Variants in DOCK3 observed in about 807,000 individuals in gnomAD.
The protein encoded by DOCK3 is dedicator of cytokinesis protein 3.
A neutral mutation model predicts 265.6 loss-of-function variants in DOCK3; 60 were observed. The observed-to-expected ratio is 0.23, with a 90% CI of 0.18 to 0.28. DOCK3 has a LOEUF of 0.28. DOCK3 is among the 10% of genes least tolerant of loss of function. The probability of loss-of-function intolerance (pLI) is 1.00; values close to 1 mark genes in which losing one functional copy is unlikely to be tolerated. For missense variants in DOCK3, 1,981 were observed against 2,594.3 expected (o/e 0.76, Z 5.14); for synonymous variants, 881 against 938.0 (o/e 0.94, Z 1.11).
At chr3:51,353,885 A>G (rs2086180290) in intron 40 of DOCK3, among the ~76,000 whole-genome samples, 1 of 152,098 alleles carries the variant, frequency 6.6e-6, no homozygotes, top group Non-Finnish European at 1.5e-5. Context: ...GGATGGGCAG[A>G]CTGCATCACC....
chr3:51,264,185 CAGA>C (rs1405684136), intron 23 of DOCK3, among the ~76,000 whole-genome samples: 3 of 152,142 alleles, frequency 2.0e-5, no homozygotes, highest in African/African-American at 7.2e-5. Flanking sequence ...TCGGCAAATG[CAGA>C]AGAACAGAAA....
rs1484492016 is a variant in DOCK3, at chr3:50,907,921, A to T, written c.218+17840A>T. On this transcript the variant is annotated intron_variant, in intron 4 of 52. Coordinates refer to ENST00000266037, the MANE Select transcript of DOCK3 (RefSeq NM_004947.5). ...GAGCTTGTTGTTGGTCTATTCAGAGATTCAGTTTGTTCCTGGTTCAGTCTT... is the reference window on the plus strand; with the variant it reads ...GAGCTTGTTGTTGGTCTATTCAGAGTTTCAGTTTGTTCCTGGTTCAGTCTT... Among the ~76,000 whole-genome samples, 3 of 151,916 alleles carry T rather than the reference A, an allele frequency of 2.0e-5. No homozygotes were observed. The East Asian group carries it at 5.8e-4, about 29-fold the overall frequency.
intron 3 of DOCK3, among the ~76,000 whole-genome samples, chr3:50,861,854 GTTT>G (rs61401631): frequency 8.7e-6 from 1 of 114,430 alleles, no homozygotes. Context: ...AGGTTGGGTC[GTTT>G]TTTTTTTTTT....
chr3:50,687,538 A>T (rs773998950), intron 1 of DOCK3, among the ~76,000 whole-genome samples: 1 of 152,242 alleles, frequency 6.6e-6, no homozygotes, highest in Non-Finnish European at 1.5e-5. Context: ...GTAAGAGAAG[A>T]CATGTATGCT....
chr3:51,227,784 G>T (rs2090391940), intron 16 of DOCK3, among the ~76,000 whole-genome samples, 198 bp from the exon 17 acceptor site: 1 of 152,036 alleles, frequency 6.6e-6, no homozygotes, highest in African/African-American at 2.4e-5. Context: ...TTTCTTTTTG[G>T]GTCTAGGTAG....
chr3:50,982,826 G>GC, intron 5 of DOCK3, among the ~76,000 whole-genome samples: 1 of 152,294 alleles, frequency 6.6e-6, no homozygotes, highest in East Asian at 1.9e-4. Context: ...TGGAGCTCCT[G>GC]CCCCAGGCTG....
chr3:51,153,930 G>T (rs578008748), intron 10 of DOCK3, among the ~76,000 whole-genome samples: 3 of 152,316 alleles, frequency 2.0e-5, no homozygotes, highest in Non-Finnish European at 4.4e-5. Flanking sequence ...GATTATTGTG[G>T]ATTCTTTGAT....
In DOCK3 at chr3:51,341,227, G is replaced by C; in HGVS notation, c.3767-10G>C. 6.4e-7 allele frequency: 1 copy of C among 1,563,820 alleles called. No homozygotes were observed. The highest frequency in any genetic ancestry group is 8.7e-7 in the Non-Finnish European group (1 of 1,154,070). The stretch of plus-strand genomic sequence containing the variant: ...AAGCCCCTGGACCTCCATGCTGTCT[G>C]TCCCCACAGAGGCCGCATTTACCCT... On this transcript the variant is annotated splice_polypyrimidine_tract_variant and intron_variant, in intron 37 of 52. Coordinates refer to ENST00000266037, the MANE Select transcript of DOCK3 (RefSeq NM_004947.5).
intron 2 of DOCK3, among the ~76,000 whole-genome samples, chr3:50,817,089 C>T (rs2044128332): frequency 1.3e-5 from 2 of 152,152 alleles, no homozygotes; most frequent in Non-Finnish European, 2.9e-5. Flanking sequence ...GATGATATGC[C>T]AAACATGGGG....
At position 51,333,403 on chromosome 3, in the gene DOCK3, C is replaced by T. The variant is rs570041133; in HGVS notation, c.3611+150C>T. ...GCCATCACCAGTCAATAGGAATCTG[C>T]TGATGACCAAGGAGAGACAGAGACT... On this transcript the variant is annotated intron_variant, in intron 35 of 52. Coordinates refer to ENST00000266037, the MANE Select transcript of DOCK3 (RefSeq NM_004947.5). 2.6e-5 allele frequency: 21 copies of T among 813,202 alleles called. No individual in the cohort carries two copies. In the Admixed American group the frequency reaches 3.9e-4, roughly 15 times the overall value. 50.4% of individuals were successfully genotyped at this position (813,202 alleles called of 1,614,324 possible).
rs530682940 is a variant in DOCK3 at position 50,788,853 on chromosome 3, C to T, written c.121+10095C>T. Among the ~76,000 whole-genome samples, 92 of 152,360 alleles carry T rather than the reference C, an allele frequency of 6.0e-4. 1 individual carries two copies. Among genetic ancestry groups the T allele is most frequent in the Admixed American group, 1.8e-3 (28 of 15,310 alleles). ...GTGCAGGGAGGGAGGCGAGTGGCTGCGAGGGCGCGTGCCCGCCCCGTCCCC... is the reference window on the plus strand; with the variant it reads ...GTGCAGGGAGGGAGGCGAGTGGCTGTGAGGGCGCGTGCCCGCCCCGTCCCC... On this transcript the variant is annotated intron_variant, in intron 2 of 52. Coordinates refer to ENST00000266037, the MANE Select transcript of DOCK3 (RefSeq NM_004947.5).
At chr3:50,728,149 T>C (rs2037951030) in intron 1 of DOCK3, among the ~76,000 whole-genome samples, 1 of 152,140 alleles carries the variant, frequency 6.6e-6, no homozygotes, top group Admixed American at 6.6e-5. Context: ...ATCAGGAAAC[T>C]TTCAAATATT....
chr3:51,328,042 C>T (rs995825689), intron 32 of DOCK3, among the ~76,000 whole-genome samples: 6 of 152,116 alleles, frequency 3.9e-5, no homozygotes, highest in African/African-American at 1.2e-4. Context: ...ATCAGAAGCA[C>T]GTGGAAGATT....
In DOCK3 at chr3:51,338,404, C is replaced by T. The variant is rs758372147; in HGVS notation, c.3657C>T (p.Cys1219=). 3.9e-6 allele frequency: 6 copies of T among 1,551,778 alleles called. No individual in the cohort carries two copies. The Admixed American group carries it at 9.8e-5, about 25-fold the overall frequency. ...AAACAGAGAATAAGAAGATAGGCTG[C>T]ACTGTTAACCTGATGGTGAGAGGAC... The part of the protein sequence containing the change: ...GEETENKKIG[C]TVNLMNFYKS... Residue 1219 remains cysteine, a synonymous_variant, in exon 36 of 53, where the codon TGC becomes TGT. Transcript: ENST00000266037.
chr3:51,051,072 A>C (rs939130856), intron 5 of DOCK3, among the ~76,000 whole-genome samples: 1 of 152,214 alleles, frequency 6.6e-6, no homozygotes, highest in Non-Finnish European at 1.5e-5. Flanking sequence ...AAAATTGTAA[A>C]TAGTTTCTGT....
chr3:51,136,059 A>G (rs1486226705), intron 9 of DOCK3, among the ~76,000 whole-genome samples: 1 of 152,086 alleles, frequency 6.6e-6, no homozygotes, highest in Non-Finnish European at 1.5e-5. Context: ...AATAAGCTAC[A>G]TCATCCTTTA....
intron 10 of DOCK3, among the ~76,000 whole-genome samples, chr3:51,147,239 G>C (rs1476550284): frequency 6.6e-6 from 1 of 152,180 alleles, no homozygotes; most frequent in Non-Finnish European, 1.5e-5. Flanking sequence ...TATCCACCAA[G>C]TTTACAGCTT....
chr3:51,381,556 G>C lies in DOCK3; in HGVS notation c.6090G>C (p.Gln2030His). Reference protein sequence around the residue: ...RMAWEHGRGEQ With the variant: ...RMAWEHGRGEH ...CCTGGGAGCACGGCCGAGGGGAGCA[G>C]TGAGGGGCAACGAGGCGGCTGGGAT... The change falls in exon 53 of 53, where the codon CAG (glutamine) becomes CAC (histidine). Residue 2030 changes from glutamine to histidine, a missense_variant. Coordinates refer to ENST00000266037, the MANE Select transcript of DOCK3 (RefSeq NM_004947.5). This position sits in a 1 kb window ranked among gnomAD's most constrained non-coding sequence, Gnocchi z 5.6. The C allele has an allele frequency of 6.6e-7, 1 of 1,518,542 alleles. No homozygotes were observed. 94.1% of individuals were successfully genotyped at this position (1,518,542 alleles called of 1,614,324 possible). A position where few individuals can be genotyped will look rare whatever the true frequency, so the allele number is the denominator to read the frequency against.
intron 4 of DOCK3, among the ~76,000 whole-genome samples, chr3:50,927,335 A>G (rs1189278321): frequency 6.6e-6 from 1 of 152,212 alleles, no homozygotes; most frequent in Non-Finnish European, 1.5e-5. Context: ...TAGATAGAAT[A>G]AGATCTAGTC....
Sources: gnomAD v4.1 joint callset for allele counts (sites outside exome capture counted in the v4.1 genomes callset) on GRCh38, gnomAD v4.1.1 for gene constraint, Gnocchi (gnomAD v3.1) non-coding constraint, MANE v1.5 for transcripts, NCBI Gene and HGNC (gene_info 2026-07-23, HGNC 2026-07-21) for gene names.